RP1: variants seen among roughly 807,000 people sequenced by gnomAD.
RP1 encodes oxygen-regulated protein 1.
RP1 carries 16 observed loss-of-function variants against 14.8 expected under a neutral mutation model. The ratio of observed to expected loss-of-function variants is 1.08; its 90% CI spans 0.73 to 1.65. The LOEUF is 1.65. Ranked by LOEUF, RP1 falls within the 40% of genes most tolerant of loss-of-function variation. The pLI is 0.00. For synonymous variants in RP1, 876 were observed against 883.6 expected (o/e 0.99, Z 0.15); for missense variants, 2,631 against 2,535.0 (o/e 1.04, Z -0.81).
At position 54,622,396 on chromosome 8, in the gene RP1, C is replaced by A. The variant is rs112524889; in HGVS notation, c.787+108C>A. The A allele has an allele frequency of 4.2e-4, 376 of 897,784 alleles. 6 individuals are homozygous for A. The East Asian group carries it at 9.3e-3, about 22-fold the overall frequency. The allele number at this position is 897,784 out of a possible 1,614,324, so 55.6% of individuals were successfully genotyped here. On this transcript the variant is annotated intron_variant, in intron 3 of 3. Coordinates refer to ENST00000220676, the MANE Select transcript of RP1 (RefSeq NM_006269.2). Reference sequence around the variant, plus strand: ...TGACCAGTTTCTTCCACCACAGAAACGAAAAGGAGAGGATTTAAAAACATT... The same window carrying A: ...TGACCAGTTTCTTCCACCACAGAAAAGAAAAGGAGAGGATTTAAAAACATT...
At chr8:54,754,875 G>A in exon 20 of RP1, 1 of 1,527,794 alleles carries the variant, frequency 6.5e-7, no homozygotes, top group Non-Finnish European at 8.8e-7. Flanking sequence ...TCGGATTCAG[G>A]CAGATGGGGA....
intron 20 of RP1, among the ~76,000 whole-genome samples, chr8:54,755,420 G>A (rs542467984): frequency 2.6e-5 from 4 of 152,130 alleles, no homozygotes; most frequent in Admixed American, 2.0e-4. Flanking sequence ...CTGGCCTTTT[G>A]CAAAAATGCC....
intron 15 of RP1, among the ~76,000 whole-genome samples, chr8:54,707,457 G>A (rs1808178460): frequency 6.6e-6 from 1 of 152,146 alleles, no homozygotes; most frequent in Non-Finnish European, 1.5e-5. Flanking sequence ...GCCTTAGGAG[G>A]GGATGTGGAA....
chr8:54,599,497 C>T (rs1037075952), intron 1 of RP1, among the ~76,000 whole-genome samples: 33 of 150,808 alleles, frequency 2.2e-4, no homozygotes, highest in East Asian at 1.2e-3. Flanking sequence ...CTCACTCTGT[C>T]GCCCAGGCTG....
chr8:54,836,376 G>C (rs1244548047), intron 24 of RP1, among the ~76,000 whole-genome samples: 1 of 152,104 alleles, frequency 6.6e-6, no homozygotes, highest in Non-Finnish European at 1.5e-5. Context: ...AATAGATTTC[G>C]CAGAACGTAA....
intron 24 of RP1, among the ~76,000 whole-genome samples, chr8:54,809,577 A>G (rs1026991945): frequency 5.9e-5 from 7 of 118,254 alleles, no homozygotes; most frequent in African/African-American, 2.6e-4. Context: ...TATGCCAGAA[A>G]GACATGCTGT....
chr8:54,849,027 G>A (rs1259908860), intron 25 of RP1, among the ~76,000 whole-genome samples: 4 of 152,154 alleles, frequency 2.6e-5, no homozygotes, highest in African/African-American at 9.7e-5. Flanking sequence ...GGGATTACGG[G>A]TGTGAGCTAC....
rs370146243 is a variant in RP1 at position 54,620,795 on chromosome 8, T to C, written c.-12-160T>C. On this transcript the variant is annotated intron_variant, in intron 1 of 3. Coordinates refer to ENST00000220676, the MANE Select transcript of RP1 (RefSeq NM_006269.2). ...TCTTTTATTATAAGTTCCTTAAAATTGTCGTTCAAAATTGATAGGTATAAT... is the reference window on the plus strand; with the variant it reads ...TCTTTTATTATAAGTTCCTTAAAATCGTCGTTCAAAATTGATAGGTATAAT... 1.4e-3 allele frequency among the ~76,000 whole-genome samples: 209 copies of C among 152,330 alleles called. 3 individuals carry two copies. The highest frequency in any genetic ancestry group is 4.8e-3 in the African/African-American group (199 of 41,570).
At chr8:54,783,652 T>A (rs1810244835) in exon 24 of RP1, 1 of 1,231,296 alleles carries the variant, frequency 8.1e-7, no homozygotes, top group African/African-American at 1.6e-5. Context: ...TCAGGTCCTA[T>A]TATTTTGGGA....
chr8:54,664,689 G>A (rs1806976857), intron 7 of RP1, among the ~76,000 whole-genome samples: 2 of 152,068 alleles, frequency 1.3e-5, no homozygotes, highest in Admixed American at 1.3e-4. Context: ...ATAATCTTTG[G>A]AGAAATGTTT....
At chr8:54,597,649 T>A (rs536670498) in intron 1 of RP1, among the ~76,000 whole-genome samples, 15 of 152,192 alleles carry the variant, frequency 9.9e-5, no homozygotes, top group Non-Finnish European at 2.1e-4. Flanking sequence ...GAAACTCAAG[T>A]TTCCACTAAA....
At chr8:54,602,783 G>A (rs1398761731) in intron 1 of RP1, among the ~76,000 whole-genome samples, 1 of 152,136 alleles carries the variant, frequency 6.6e-6, no homozygotes, top group Non-Finnish European at 1.5e-5. Flanking sequence ...TTCTCTGATG[G>A]CCAGTGATGA....
intron 22 of RP1, among the ~76,000 whole-genome samples, chr8:54,769,003 C>T (rs993950123): frequency 6.6e-6 from 1 of 151,466 alleles, no homozygotes; most frequent in African/African-American, 2.4e-5. Context: ...TTCACGCCTT[C>T]TCCTGCCTCA....
chr8:54,769,509 G>A (rs1241330734), intron 22 of RP1, among the ~76,000 whole-genome samples: 3 of 152,028 alleles, frequency 2.0e-5, no homozygotes, highest in South Asian at 2.1e-4. Context: ...GGTTAGCAAC[G>A]TATATATTTC....
At chr8:54,709,237 G>A (rs1054289897) in intron 15 of RP1, among the ~76,000 whole-genome samples, 1 of 152,220 alleles carries the variant, frequency 6.6e-6, no homozygotes, top group African/African-American at 2.4e-5. Flanking sequence ...AATTTCCCAA[G>A]AACCAGCCTT....
chr8:54,844,133 G>C (rs1053341828), intron 25 of RP1, among the ~76,000 whole-genome samples: 1 of 152,050 alleles, frequency 6.6e-6, no homozygotes, highest in Non-Finnish European at 1.5e-5. Context: ...ACTTTTTCCC[G>C]AGATGAAAGA....
chr8:54,673,038 G>T (rs975502189), intron 7 of RP1, among the ~76,000 whole-genome samples: 1 of 152,098 alleles, frequency 6.6e-6, no homozygotes, highest in African/African-American at 2.4e-5. Flanking sequence ...GAATGCTAAT[G>T]GTTTTGTTTC....
At chr8:54,729,538 A>G (rs1808740538) in intron 17 of RP1, among the ~76,000 whole-genome samples, 1 of 152,192 alleles carries the variant, frequency 6.6e-6, no homozygotes, top group Non-Finnish European at 1.5e-5. Context: ...TCATTCCGAA[A>G]AAAAGTAGAA....
intron 15 of RP1, among the ~76,000 whole-genome samples, chr8:54,711,383 G>C (rs948426023): frequency 6.6e-6 from 1 of 152,136 alleles, no homozygotes; most frequent in Admixed American, 6.6e-5. Flanking sequence ...GAAAGTTATT[G>C]CTAAAAGATT....
Sources: gnomAD v4.1 joint callset for allele counts (sites outside exome capture counted in the v4.1 genomes callset) on GRCh38, gnomAD v4.1.1 for gene constraint, MANE v1.5 for transcripts, NCBI Gene and HGNC (gene_info 2026-07-23, HGNC 2026-07-21) for gene names.